C8orf89: variants seen among roughly 807,000 people sequenced by gnomAD.
The protein encoded by C8orf89 is chromosome 8 open reading frame 89.
C8orf89 carries 14 observed loss-of-function variants against 15.8 expected under a neutral mutation model. That is an observed-to-expected ratio of 0.89 (90% CI 0.59 to 1.39). C8orf89 has a LOEUF of 1.39. Among genes scored for constraint, C8orf89 ranks in the 40% most tolerant of loss-of-function variants. C8orf89 has a pLI of 0.00. For missense variants in C8orf89, 181 were observed against 184.5 expected (o/e 0.98, Z 0.11); for synonymous variants, 55 against 62.2 (o/e 0.88, Z 0.54).
the C8orf89 span, among the ~76,000 whole-genome samples, chr8:73,272,703 T>C: frequency 6.6e-6 from 1 of 151,750 alleles, no homozygotes; most frequent in Non-Finnish European, 1.5e-5. Context: ...GAACATGCAG[T>C]GTTTGGTTTT....
chr8:73,253,395 C>T (rs571132396), intron 2 of C8orf89, among the ~76,000 whole-genome samples: 4 of 152,224 alleles, frequency 2.6e-5, no homozygotes, highest in Non-Finnish European at 5.9e-5. Flanking sequence ...ATTCTTTTGG[C>T]TTAGGATTGA....
chr8:73,253,335 G>A (rs918637378), intron 2 of C8orf89, among the ~76,000 whole-genome samples: 4 of 152,202 alleles, frequency 2.6e-5, no homozygotes. Context: ...TTCGGTTACT[G>A]TAGCCTTGTA....
the C8orf89 span, among the ~76,000 whole-genome samples, chr8:73,277,070 G>C: frequency 6.6e-6 from 1 of 151,996 alleles, no homozygotes; most frequent in East Asian, 1.9e-4. Flanking sequence ...GCCTCCCAAA[G>C]TGCTGGGATT....
chr8:73,255,336 G>A (rs1237399229), intron 2 of C8orf89, among the ~76,000 whole-genome samples: 1 of 152,082 alleles, frequency 6.6e-6, no homozygotes, highest in Non-Finnish European at 1.5e-5. Flanking sequence ...CTCAAAAGAA[G>A]ACATTTATGC....
At chr8:73,258,787 C>T (rs546763312) in intron 1 of C8orf89, among the ~76,000 whole-genome samples, 2 of 152,080 alleles carry the variant, frequency 1.3e-5, no homozygotes, top group East Asian at 1.9e-4. Context: ...CACACCAACA[C>T]GCTCAGCTAA....
At chr8:73,277,559 C>T in the C8orf89 span, 29 of 761,558 alleles carry the variant, frequency 3.8e-5, no homozygotes, top group East Asian at 6.8e-4. Context: ...CCATTCCAGG[C>T]TCAGAAGTAC....
chr8:73,279,100 A>G, the C8orf89 span, among the ~76,000 whole-genome samples: 21 of 152,262 alleles, frequency 1.4e-4, no homozygotes, highest in African/African-American at 4.8e-4. Context: ...ACCTTCTTGA[A>G]TATGAAAAAT....
At chr8:73,247,301 C>T (rs112769288) in intron 3 of C8orf89, among the ~76,000 whole-genome samples, 9,169 of 152,204 alleles carry the variant, frequency 0.06, 302 homozygotes, top group South Asian at 0.081. Flanking sequence ...CATAGTATTC[C>T]ATGGTATATG....
At chr8:73,254,859 C>A (rs1376616495) in intron 2 of C8orf89, among the ~76,000 whole-genome samples, 3 of 152,138 alleles carry the variant, frequency 2.0e-5, no homozygotes, top group African/African-American at 7.2e-5. Context: ...GAAAAATAAG[C>A]AATGGGGAAA....
At chr8:73,251,564 T>C (rs1201345433) in intron 2 of C8orf89, among the ~76,000 whole-genome samples, 1 of 152,206 alleles carries the variant, frequency 6.6e-6, no homozygotes, top group Non-Finnish European at 1.5e-5. Context: ...ATGAATAAAA[T>C]ATAGTCAATT....
chr8:73,255,985 G>A (rs1187792166), intron 2 of C8orf89, among the ~76,000 whole-genome samples: 2 of 150,354 alleles, frequency 1.3e-5, no homozygotes, highest in East Asian at 3.9e-4. Context: ...GGGAGGGATA[G>A]CTTTAGGAGA....
At chr8:73,272,271 G>T in the C8orf89 span, among the ~76,000 whole-genome samples, 1 of 151,828 alleles carries the variant, frequency 6.6e-6, no homozygotes, top group African/African-American at 2.4e-5. Flanking sequence ...TCCCACCTTT[G>T]ACCAGTTAAC....
the C8orf89 span, among the ~76,000 whole-genome samples, chr8:73,267,398 AG>A: frequency 6.6e-6 from 1 of 152,180 alleles, no homozygotes; most frequent in Non-Finnish European, 1.5e-5. Flanking sequence ...ACTGAAAATG[AG>A]GGGGAACTGC....
intron 2 of C8orf89, 97 bp from the exon 3 acceptor site, chr8:73,250,420 G>A (rs1212406525): frequency 1.6e-5 from 11 of 702,166 alleles, no homozygotes; most frequent in South Asian, 7.6e-5. Flanking sequence ...TTAAATAAAT[G>A]TTAAGGAAAG....
chr8:73,260,700 G>A (rs1813509336), upstream of C8orf89, among the ~76,000 whole-genome samples: 1 of 152,188 alleles, frequency 6.6e-6, no homozygotes, highest in Non-Finnish European at 1.5e-5. Flanking sequence ...ATGTGGGAGA[G>A]CAGAAGGAGG....
chr8:73,260,501 G>A (rs1378970738), upstream of C8orf89, among the ~76,000 whole-genome samples: 8 of 152,080 alleles, frequency 5.3e-5, no homozygotes, highest in East Asian at 1.9e-4. Flanking sequence ...AAACCTGCAC[G>A]TTGTGCACAT....
chr8:73,279,150 A>G, the C8orf89 span, among the ~76,000 whole-genome samples: 9 of 152,206 alleles, frequency 5.9e-5, no homozygotes, highest in Admixed American at 5.9e-4. Flanking sequence ...GTTTTAGGGT[A>G]CAAATCTCCC....
At chr8:73,242,585 A>T (rs1226672303) in intron 3 of C8orf89, among the ~76,000 whole-genome samples, 1 of 152,258 alleles carries the variant, frequency 6.6e-6, no homozygotes, top group Non-Finnish European at 1.5e-5. Context: ...TATCAGAGGC[A>T]TCAAAACTAC....
chr8:73,283,882 A>C, the C8orf89 span, among the ~76,000 whole-genome samples: 1 of 152,062 alleles, frequency 6.6e-6, no homozygotes, highest in African/African-American at 2.4e-5. Context: ...TCTATTAAAA[A>C]TACAAAAAAA....
Sources: gnomAD v4.1 joint callset for allele counts (sites outside exome capture counted in the v4.1 genomes callset) on GRCh38, gnomAD v4.1.1 for gene constraint, MANE v1.5 for transcripts, NCBI Gene and HGNC (gene_info 2026-07-23, HGNC 2026-07-21) for gene names.